The following ADAP1 variants were observed in gnomAD, a reference collection of about 807,000 sequenced individuals.
The protein encoded by ADAP1 is ArfGAP with dual PH domains 1, also known as arf-GAP with dual PH domain-containing protein 1.
ADAP1 carries 31 observed loss-of-function variants against 54.9 expected under a neutral mutation model. That is an observed-to-expected ratio of 0.56 (90% confidence interval 0.42 to 0.76). The LOEUF (loss-of-function observed/expected upper bound fraction) is 0.76, where lower values mean the gene tolerates loss of function less well. ADAP1 is among the 30% of genes least tolerant of loss of function. ADAP1 has a pLI of 0.00. For missense variants in ADAP1, 535 were observed against 512.4 expected (o/e 1.04, Z -0.42); for synonymous variants, 313 against 202.6 (o/e 1.55, Z -4.63).
At position 904,103 on chromosome 7, in the gene ADAP1, C is replaced by T. The variant is rs1368197978; in HGVS notation, c.648+23G>A. On this transcript the variant is annotated intron_variant, in intron 6 of 10. Transcript: ENST00000265846. ...GGCCCACCCTCCTGTGCCACCCGGGCCCGAGTGCTCGCCAGCACCCACCTT... is the reference window on the plus strand; with the variant it reads ...GGCCCACCCTCCTGTGCCACCCGGGTCCGAGTGCTCGCCAGCACCCACCTT... The T allele has an allele frequency of 2.5e-6, 4 of 1,610,806 alleles. No individual in the cohort carries two copies. In the East Asian group the frequency reaches 6.7e-5, roughly 27 times the overall value.
intron 2 of ADAP1, among the ~76,000 whole-genome samples, chr7:933,382 G>A (rs1326756187): frequency 6.6e-6 from 1 of 152,184 alleles, no homozygotes; most frequent in African/African-American, 2.4e-5. Flanking sequence ...GATCCCAGCT[G>A]TGATTTCTAA....
At chr7:900,405 G>A (rs939459617) in intron 7 of ADAP1, 128 bp downstream of exon 7, 11 of 1,091,048 alleles carry the variant, frequency 1.0e-5, no homozygotes, top group Middle Eastern at 3.0e-4. Flanking sequence ...GTCAGGGTGA[G>A]CCCTTGGCCA....
At chr7:927,818 T>C (rs1846438276) in intron 2 of ADAP1, among the ~76,000 whole-genome samples, 2 of 151,972 alleles carry the variant, frequency 1.3e-5, no homozygotes, top group African/African-American at 2.4e-5. Flanking sequence ...GGTAGAAAAA[T>C]GTCTCCTTAT....
Position 899,509 on chromosome 7 carries a change from C to T in ADAP1, c.796-19G>A. On this transcript the variant is annotated intron_variant, in intron 8 of 10. Transcript: ENST00000265846. Reference sequence around the variant, plus strand: ...CCGTTTGCTGTGGGTCAGAGAGGGCCCGTGACCGGCAGGTCGCCGAGGCAG... The same window carrying T: ...CCGTTTGCTGTGGGTCAGAGAGGGCTCGTGACCGGCAGGTCGCCGAGGCAG... The T allele has an allele frequency of 6.2e-7, 1 of 1,610,920 alleles. No homozygotes were observed.
At chr7:900,668 G>GTCCCCACAGAGGGGCTGGGA (rs1844754204) in intron 6 of ADAP1, 52 bp from the exon 7 acceptor site, 3 of 1,376,748 alleles carry the variant, frequency 2.2e-6, no homozygotes, top group Non-Finnish European at 3.0e-6. Flanking sequence ...CAGCGCTGGG[G>GTCCCCACAGAGGGGCTGGGA]TCCCCACAGA....
rs548468095 is a variant in ADAP1, at chr7:900,006, AAC to A, written c.795+94_795+95del. 258 of 1,467,046 alleles carry A rather than the reference AAC, an allele frequency of 1.8e-4. 2 individuals carry two copies. The East Asian group carries it at 4.6e-3, about 26-fold the overall frequency. The allele number at this position is 1,467,046 out of a possible 1,614,324, so 90.9% of individuals were successfully genotyped here. Reference sequence around the variant, plus strand: ...GAGGACCCACCAGACACCAGTTTAAAACACAGGCGGCAGCTGGCAAGGCTGCT... The same window carrying A: ...GAGGACCCACCAGACACCAGTTTAAAACAGGCGGCAGCTGGCAAGGCTGCT... On this transcript the variant is annotated intron_variant, in intron 8 of 10. Transcript: ENST00000265846.
chr7:952,035 C>A (rs1236732951), intron 1 of ADAP1, among the ~76,000 whole-genome samples: 2 of 152,088 alleles, frequency 1.3e-5, no homozygotes, highest in African/African-American at 4.8e-5. Context: ...TCCCCCAAAC[C>A]CCCTCCCAGG....
chr7:955,228 GA>G (rs1279941113), upstream of ADAP1: 25 of 1,447,052 alleles, frequency 1.7e-5, no homozygotes, highest in Non-Finnish European at 2.4e-5. Context: ...CAGGCAGGCT[GA>G]GGGGCCCCGC....
At chr7:913,461 A>C (rs1845807054) in intron 4 of ADAP1, among the ~76,000 whole-genome samples, 1 of 151,792 alleles carries the variant, frequency 6.6e-6, no homozygotes, top group African/African-American at 2.4e-5. Flanking sequence ...TCAGCCTCCC[A>C]AAGTGCTGGG....
chr7:921,120 G>A (rs1315483215), intron 3 of ADAP1, among the ~76,000 whole-genome samples: 5 of 152,160 alleles, frequency 3.3e-5, no homozygotes, highest in East Asian at 1.9e-4. Context: ...GAGGCCAAAC[G>A]TCTGAGATCA....
intron 2 of ADAP1, among the ~76,000 whole-genome samples, chr7:929,701 A>G (rs996920844): frequency 9.2e-5 from 14 of 152,030 alleles, no homozygotes; most frequent in African/African-American, 2.9e-4. Flanking sequence ...CTGAAGTTAG[A>G]CAGTGGTGAT....
intron 4 of ADAP1, among the ~76,000 whole-genome samples, chr7:911,358 C>T (rs534920796): frequency 6.6e-6 from 1 of 152,186 alleles, no homozygotes; most frequent in Admixed American, 6.5e-5. Flanking sequence ...CCCAGAGTGA[C>T]GTGTGGATGC....
At chr7:905,281 C>A in intron 4 of ADAP1, 109 bp from the exon 5 acceptor site, 2 of 269,014 alleles carry the variant, frequency 7.4e-6, no homozygotes, top group East Asian at 8.4e-5. Flanking sequence ...ACGGGGGACA[C>A]GGACGGGGGA....
chr7:907,509 C>T (rs1427225863), intron 4 of ADAP1, among the ~76,000 whole-genome samples: 1 of 152,158 alleles, frequency 6.6e-6, no homozygotes, highest in Non-Finnish European at 1.5e-5. Flanking sequence ...ACACGTGTGG[C>T]TTCACGTCAC....
chr7:898,248 C>A lies in ADAP1; in HGVS notation c.*673G>T, dbSNP rs1250210193. ...CCTCACCGCGGCCCAGGCCCTCGTC[C>A]CCAAGGGTTCAGACACCACTGTCGG... On this transcript the variant is annotated 3_prime_UTR_variant, in exon 11 of 11. Coordinates refer to ENST00000265846, the MANE Select transcript of ADAP1 (RefSeq NM_006869.4). The A allele has an allele frequency of 6.5e-6, 1 of 154,654 alleles. No homozygotes were observed. Among genetic ancestry groups the A allele is most frequent in the African/African-American group, 2.4e-5 (1 of 41,466 alleles). 9.6% of individuals were successfully genotyped at this position (154,654 alleles called of 1,614,324 possible).
At position 900,105 on chromosome 7, in the gene ADAP1, G is replaced by A. The variant is rs765174543; in HGVS notation, c.792C>T (p.Pro264=). The change falls in exon 8 of 11, where the codon CCC becomes CCT. Residue 264 remains proline (P), a synonymous_variant. Coordinates refer to ENST00000265846, the MANE Select transcript of ADAP1 (RefSeq NM_006869.4). Reference sequence around the variant, plus strand: ...GCCGCACGTGCGGCACACCCACCTTGGGCCCCGTCTTCTCCATGTAGCCTT... The same window carrying A: ...GCCGCACGTGCGGCACACCCACCTTAGGCCCCGTCTTCTCCATGTAGCCTT... ...LKEGYMEKTG[P]KQTEGFRKRW... The A allele has an allele frequency of 5.0e-6, 8 of 1,613,026 alleles. No homozygotes were observed. Among genetic ancestry groups the A allele is most frequent in the East Asian group, 2.2e-5 (1 of 44,872 alleles).
chr7:919,897 G>C, intron 4 of ADAP1, 71 bp downstream of exon 4: 1 of 1,060,830 alleles, frequency 9.4e-7, no homozygotes. Context: ...GGGAGGGAAA[G>C]AGATGGGGGA....
chr7:928,405 G>A (rs1345093825), intron 2 of ADAP1, among the ~76,000 whole-genome samples: 1 of 152,156 alleles, frequency 6.6e-6, no homozygotes, highest in African/African-American at 2.4e-5. Flanking sequence ...AATAAAAATG[G>A]GTAAGGGTTT....
intron 4 of ADAP1, among the ~76,000 whole-genome samples, chr7:915,708 G>T (rs1448908172): frequency 1.3e-5 from 2 of 152,154 alleles, no homozygotes; most frequent in Admixed American, 6.5e-5. Flanking sequence ...TTCCAGTTGG[G>T]CAGCCTCGGG....
Sources: allele counts gnomAD v4.1 joint callset (sites outside exome capture counted in the v4.1 genomes callset), GRCh38; gene constraint gnomAD v4.1.1; transcripts MANE v1.5; gene names NCBI Gene and HGNC (gene_info 2026-07-23, HGNC 2026-07-21).